Variants in SH3KBP1 observed in about 807,000 individuals in gnomAD.
The protein encoded by SH3KBP1 is SH3 domain containing kinase binding protein 1.
SH3KBP1 carries 8 observed loss-of-function variants against 50.1 expected under a neutral mutation model. That is an observed-to-expected ratio of 0.16 (90% CI 0.09 to 0.29). The LOEUF is 0.29. SH3KBP1 is among the 10% of genes least tolerant of loss of function. The pLI, the probability that SH3KBP1 is intolerant of heterozygous loss-of-function variation, is 1.00. For missense variants in SH3KBP1, 377 were observed against 535.2 expected, an observed-to-expected ratio of 0.70 and a Z score of 2.92; for synonymous variants, 227 against 218.6, an observed-to-expected ratio of 1.04 and a Z score of -0.34.
chrX:19,592,415 T>C (rs755311757), intron 10 of SH3KBP1, among the ~76,000 whole-genome samples: 6 of 112,071 alleles, frequency 5.4e-5, no homozygotes, highest in South Asian at 3.8e-4. Context: ...CTGATTTCCT[T>C]AGGCATCAAT....
intron 4 of SH3KBP1, 121 bp downstream of exon 4, chrX:19,706,760 G>C: frequency 1.2e-5 from 6 of 514,683 alleles, no homozygotes; most frequent in Non-Finnish European, 2.0e-5. Context: ...CTCAACTAGA[G>C]GATCCCTAAC....
intron 1 of SH3KBP1, among the ~76,000 whole-genome samples, chrX:19,884,839 C>T (rs1404111407): frequency 8.9e-6 from 1 of 112,005 alleles, no homozygotes; most frequent in Non-Finnish European, 1.9e-5. Context: ...GTTCAGAGGG[C>T]ACATTCTGAT....
chrX:19,746,315 T>C lies in SH3KBP1; in HGVS notation c.286+3A>G. On this transcript the variant is annotated splice_donor_region_variant and intron_variant, in intron 3 of 17. Coordinates refer to ENST00000397821, the MANE Select transcript of SH3KBP1 (RefSeq NM_031892.3). The stretch of plus-strand genomic sequence containing the variant: ...GAGGGAACCTCTTTTTCCTTTTCCA[T>C]ACCTCTCTTATTGGTTCTTAAAATC... 8.3e-7 allele frequency: 1 copy of C among 1,210,664 alleles called. No homozygotes were observed. Among genetic ancestry groups the C allele is most frequent in the Non-Finnish European group, 1.1e-6 (1 of 895,039 alleles).
intron 12 of SH3KBP1, among the ~76,000 whole-genome samples, chrX:19,579,228 C>A (rs2066290815): frequency 8.9e-6 from 1 of 112,203 alleles, no homozygotes; most frequent in Non-Finnish European, 1.9e-5. Flanking sequence ...TGTGCAGACT[C>A]TGCAAATATA....
chrX:19,700,573 T>C (rs2063515719), intron 4 of SH3KBP1, among the ~76,000 whole-genome samples: 1 of 112,383 alleles, frequency 8.9e-6, no homozygotes, highest in Non-Finnish European at 1.9e-5. Context: ...TAGAACTTCA[T>C]ATAAATGTGC....
At chrX:19,670,578 T>G (rs752003942) in intron 6 of SH3KBP1, among the ~76,000 whole-genome samples, 4 of 111,157 alleles carry the variant, frequency 3.6e-5, no homozygotes, top group African/African-American at 1.3e-4. Context: ...ATTGGAAACA[T>G]CTGTAAAAAT....
intron 9 of SH3KBP1, among the ~76,000 whole-genome samples, chrX:19,598,924 A>G (rs758864660): frequency 8.9e-6 from 1 of 112,462 alleles, no homozygotes; most frequent in South Asian, 3.7e-4. Context: ...AAGTGAGCAC[A>G]TGCTATTGGG....
chrX:19,614,837 G>A (rs766021053), intron 8 of SH3KBP1, among the ~76,000 whole-genome samples: 15 of 111,840 alleles, frequency 1.3e-4, no homozygotes, highest in Non-Finnish European at 2.6e-4. Context: ...TCCTGAAAAC[G>A]ATAAGCTCCT....
At chrX:19,597,635 T>C (rs1027802454) in intron 9 of SH3KBP1, among the ~76,000 whole-genome samples, 3 of 111,724 alleles carry the variant, frequency 2.7e-5, no homozygotes, top group Non-Finnish European at 3.8e-5. Flanking sequence ...CCCAGGCTGG[T>C]CTCAAACTCC....
At chrX:19,783,106 C>T (rs985341898) in intron 2 of SH3KBP1, among the ~76,000 whole-genome samples, 1 of 111,938 alleles carries the variant, frequency 8.9e-6, no homozygotes, top group African/African-American at 3.2e-5. Context: ...GGTGACAGAG[C>T]GAGACCCTGT....
intron 2 of SH3KBP1, among the ~76,000 whole-genome samples, chrX:19,773,728 C>T (rs1219674847): frequency 7.4e-5 from 8 of 107,454 alleles, no homozygotes; most frequent in Middle Eastern, 4.6e-3. Context: ...TGATGGTGGG[C>T]GCCTGTAGTC....
chrX:19,810,954 C>A (rs1323897970), intron 2 of SH3KBP1, among the ~76,000 whole-genome samples: 2 of 112,124 alleles, frequency 1.8e-5, no homozygotes, highest in African/African-American at 6.5e-5. Flanking sequence ...TTCTCAACAT[C>A]TGAAACCACA....
intron 3 of SH3KBP1, among the ~76,000 whole-genome samples, chrX:19,715,084 G>C (rs1307913925): frequency 9.0e-6 from 1 of 110,682 alleles, no homozygotes; most frequent in African/African-American, 3.3e-5. Context: ...GACCAGCCTG[G>C]GCAACATGGC....
chrX:19,736,970 G>C (rs748938273), intron 3 of SH3KBP1, among the ~76,000 whole-genome samples: 1 of 104,641 alleles, frequency 9.6e-6, no homozygotes, highest in Non-Finnish European at 2.0e-5. Context: ...GCAGTGGTGC[G>C]ATTTCAGCTC....
intron 2 of SH3KBP1, among the ~76,000 whole-genome samples, chrX:19,800,022 G>A (rs895123001): frequency 9.0e-6 from 1 of 111,681 alleles, no homozygotes; most frequent in Non-Finnish European, 1.9e-5. Flanking sequence ...CTGGAGAACC[G>A]CAGAGTCTGC....
chrX:19,649,074 C>G (rs1397532987), intron 6 of SH3KBP1, among the ~76,000 whole-genome samples: 3 of 111,592 alleles, frequency 2.7e-5, no homozygotes, highest in Non-Finnish European at 5.6e-5. Flanking sequence ...ATACATCTCT[C>G]CTCCAACTAG....
At chrX:19,542,368 C>T (rs1362146947) in intron 15 of SH3KBP1, among the ~76,000 whole-genome samples, 175 bp from the exon 16 acceptor site, 1 of 112,141 alleles carries the variant, frequency 8.9e-6, no homozygotes, top group Admixed American at 9.4e-5. Flanking sequence ...GGCATTTCCC[C>T]CTTACTCACA....
At chrX:19,552,533 C>T (rs1183456906) in intron 13 of SH3KBP1, among the ~76,000 whole-genome samples, 1 of 110,519 alleles carries the variant, frequency 9.0e-6, no homozygotes, top group African/African-American at 3.3e-5. Flanking sequence ...CAGCTGCCAA[C>T]GGCCTTGGCT....
At chrX:19,803,969 G>A (rs1379463421) in intron 2 of SH3KBP1, among the ~76,000 whole-genome samples, 1 of 110,968 alleles carries the variant, frequency 9.0e-6, no homozygotes, top group Non-Finnish European at 1.9e-5. Flanking sequence ...TCAGGAGATC[G>A]AGACCATCCT....
Sources: allele counts gnomAD v4.1 joint callset (sites outside exome capture counted in the v4.1 genomes callset), GRCh38; gene constraint gnomAD v4.1.1; transcripts MANE v1.5; gene names NCBI Gene and HGNC (gene_info 2026-07-23, HGNC 2026-07-21).